The following CSMD1 variants were observed in gnomAD, a reference collection of about 807,000 sequenced individuals.
CSMD1 encodes CUB and Sushi multiple domains 1.
CSMD1 carries 213 observed loss-of-function variants against 417.5 expected under a neutral mutation model. The observed-to-expected ratio is 0.51, with a 90% CI of 0.46 to 0.57. The LOEUF (loss-of-function observed/expected upper bound fraction) is 0.57. CSMD1 is among the 20% of genes least tolerant of loss of function. The pLI, the probability that CSMD1 is intolerant of heterozygous loss-of-function variation, is 0.00. For synonymous variants in CSMD1, 2,862 were observed against 1,736.8 expected (o/e 1.65, Z -16.11); for missense variants, 6,923 against 4,529.7 (o/e 1.53, Z -15.17).
chr8:3,053,420 A>G (rs531475456), intron 49 of CSMD1, among the ~76,000 whole-genome samples: 2 of 152,250 alleles, frequency 1.3e-5, no homozygotes, highest in South Asian at 4.2e-4. Context: ...TCAGCTCTGA[A>G]AAGTCTTCCC....
At chr8:4,058,905 T>C (rs1798832024) in intron 3 of CSMD1, among the ~76,000 whole-genome samples, 2 of 151,950 alleles carry the variant, frequency 1.3e-5, no homozygotes, top group African/African-American at 2.4e-5. Flanking sequence ...TTAACAAGGA[T>C]ACCCAGGAAT....
intron 5 of CSMD1, among the ~76,000 whole-genome samples, chr8:3,958,392 AAAG>A (rs1210878566): frequency 6.6e-6 from 1 of 151,972 alleles, no homozygotes; most frequent in African/African-American, 2.4e-5. Context: ...AGGAAACCAA[AAAG>A]GAGGCAGAAA....
intron 3 of CSMD1, among the ~76,000 whole-genome samples, chr8:4,099,664 G>A (rs1364628793): frequency 6.6e-6 from 1 of 150,952 alleles, no homozygotes; most frequent in East Asian, 1.9e-4. Flanking sequence ...AATGCAGTCT[G>A]CTTATTTAAA....
intron 5 of CSMD1, among the ~76,000 whole-genome samples, chr8:3,873,735 T>A (rs543758359): frequency 6.6e-6 from 1 of 152,290 alleles, no homozygotes; most frequent in African/African-American, 2.4e-5. Context: ...AGCCTTTTTC[T>A]CAGTATTAAG....
At chr8:3,604,100 C>T (rs1044529248) in intron 8 of CSMD1, among the ~76,000 whole-genome samples, 7 of 152,152 alleles carry the variant, frequency 4.6e-5, no homozygotes, top group African/African-American at 1.7e-4. Flanking sequence ...TCCTTCGAAG[C>T]AGGCTCTGTA....
At chr8:4,732,040 C>T (rs1251942501) in intron 1 of CSMD1, among the ~76,000 whole-genome samples, 2 of 152,070 alleles carry the variant, frequency 1.3e-5, no homozygotes, top group African/African-American at 4.8e-5. Flanking sequence ...TGCATGCCTC[C>T]CCCATGCCCG....
intron 5 of CSMD1, among the ~76,000 whole-genome samples, chr8:3,882,235 T>G (rs184513738): frequency 6.6e-6 from 1 of 151,926 alleles, no homozygotes; most frequent in Non-Finnish European, 1.5e-5. Context: ...AAAAAAGTAA[T>G]TGATTTGAAC....
At chr8:4,853,109 T>C (rs889917908) in intron 1 of CSMD1, among the ~76,000 whole-genome samples, 8 of 152,172 alleles carry the variant, frequency 5.3e-5, no homozygotes, top group African/African-American at 1.7e-4. Flanking sequence ...AAGAAAAGCA[T>C]GTTTTTAGTG....
At chr8:3,421,464 G>A (rs945488236) in intron 12 of CSMD1, among the ~76,000 whole-genome samples, 7 of 152,144 alleles carry the variant, frequency 4.6e-5, no homozygotes, top group Non-Finnish European at 8.8e-5. Flanking sequence ...CCTTATCAAA[G>A]ACTTCATTTT....
chr8:3,825,017 A>G (rs1801972855), intron 5 of CSMD1, among the ~76,000 whole-genome samples: 1 of 152,198 alleles, frequency 6.6e-6, no homozygotes, highest in Non-Finnish European at 1.5e-5. Flanking sequence ...ATGTGGCAGG[A>G]AATGCTAGCA....
At chr8:4,453,445 G>A (rs1471551104) in intron 2 of CSMD1, among the ~76,000 whole-genome samples, 1 of 152,162 alleles carries the variant, frequency 6.6e-6, no homozygotes, top group Non-Finnish European at 1.5e-5. Flanking sequence ...CCGTGTGTTG[G>A]TGCAGCAGCA....
chr8:3,231,030 C>T (rs1798804745), intron 26 of CSMD1, among the ~76,000 whole-genome samples: 1 of 152,132 alleles, frequency 6.6e-6, no homozygotes, highest in Admixed American at 6.6e-5. Flanking sequence ...AATCACCTCC[C>T]ATATGCAGCC....
At chr8:4,487,697 A>T (rs563751371) in intron 2 of CSMD1, among the ~76,000 whole-genome samples, 1 of 152,328 alleles carries the variant, frequency 6.6e-6, no homozygotes, top group Admixed American at 6.5e-5. Context: ...CATTTAAAAA[A>T]TTTTGCCAAA....
At chr8:4,248,001 C>G (rs1199551097) in intron 3 of CSMD1, among the ~76,000 whole-genome samples, 2 of 152,086 alleles carry the variant, frequency 1.3e-5, no homozygotes, top group African/African-American at 2.4e-5. Flanking sequence ...TAAGTTGGCT[C>G]TCCATAATTG....
rs147173968 is a variant in CSMD1 at position 4,927,802 on chromosome 8, C to G, written c.85+66530G>C. ...GAAACCTTGGATTCCAACTTGGCTCCTCTCCTTCTCACACTCACCAGCAAA... is the reference window on the plus strand; with the variant it reads ...GAAACCTTGGATTCCAACTTGGCTCGTCTCCTTCTCACACTCACCAGCAAA... On this transcript the variant is annotated intron_variant, in intron 1 of 69. Transcript: ENST00000635120. 2.5e-4 allele frequency among the ~76,000 whole-genome samples: 38 copies of G among 152,186 alleles called. No homozygotes were observed. In the East Asian group the frequency reaches 7.4e-3, roughly 29 times the overall value.
At chr8:4,137,341 G>A (rs1013143906) in intron 3 of CSMD1, among the ~76,000 whole-genome samples, 2 of 152,104 alleles carry the variant, frequency 1.3e-5, no homozygotes, top group African/African-American at 4.8e-5. Flanking sequence ...GGCTAACTCA[G>A]ACATGTTGAA....
At chr8:3,935,259 T>C (rs982110146) in intron 5 of CSMD1, among the ~76,000 whole-genome samples, 3 of 152,210 alleles carry the variant, frequency 2.0e-5, no homozygotes, top group Non-Finnish European at 4.4e-5. Context: ...AGAATCATTA[T>C]ATGAAAGAAT....
chr8:3,992,373 A>G (rs1158038176), intron 5 of CSMD1, among the ~76,000 whole-genome samples: 1 of 152,208 alleles, frequency 6.6e-6, no homozygotes, highest in East Asian at 1.9e-4. Context: ...AAACCAGCAC[A>G]AGTTTACTAT....
At chr8:4,191,381 G>C (rs192530238) in intron 3 of CSMD1, among the ~76,000 whole-genome samples, 74 of 152,158 alleles carry the variant, frequency 4.9e-4, no homozygotes, top group Non-Finnish European at 8.5e-4. Context: ...GGGCAACAGA[G>C]CAAGACTCTG....
Sources: allele counts gnomAD v4.1 joint callset (sites outside exome capture counted in the v4.1 genomes callset), GRCh38; gene constraint gnomAD v4.1.1; transcripts MANE v1.5; gene names NCBI Gene and HGNC (gene_info 2026-07-23, HGNC 2026-07-21).